The following ZNF197 variants were observed in gnomAD, a reference collection of about 807,000 sequenced individuals.
The protein encoded by ZNF197 is VHL-associated KRAB-A domain-containing protein.
ZNF197 carries 14 observed loss-of-function variants against 27.4 expected under a neutral mutation model. The observed-to-expected ratio is 0.51, with a 90% CI of 0.34 to 0.80. The LOEUF (loss-of-function observed/expected upper bound fraction) is 0.80, where lower values mean the gene tolerates loss of function less well. Ranked by LOEUF, ZNF197 falls within the 30% of genes least tolerant of loss-of-function variation. The pLI, the probability that ZNF197 is intolerant of heterozygous loss-of-function variation, is 0.02. For synonymous variants in ZNF197, 415 were observed against 420.0 expected, an observed-to-expected ratio of 0.99 and a Z score of 0.15; for missense variants, 1,090 against 1,222.6, an observed-to-expected ratio of 0.89 and a Z score of 1.62.
At chr3:44,641,222 CCTTTT>C (rs1458595003) in intron 5 of ZNF197, among the ~76,000 whole-genome samples, 7 of 152,128 alleles carry the variant, frequency 4.6e-5, no homozygotes, top group South Asian at 4.2e-4. Context: ...TTCTATTTTC[CCTTTT>C]CTTTTCTGTA....
At chr3:44,639,380 A>C (rs1341390662) in intron 5 of ZNF197, among the ~76,000 whole-genome samples, 1 of 152,088 alleles carries the variant, frequency 6.6e-6, no homozygotes, top group Admixed American at 6.5e-5. Flanking sequence ...GAATTTGTGA[A>C]GAAATGGTAT....
intron 5 of ZNF197, among the ~76,000 whole-genome samples, chr3:44,634,847 G>T (rs550089944): frequency 6.6e-6 from 1 of 151,996 alleles, no homozygotes; most frequent in South Asian, 2.1e-4. Context: ...TAGACATCTT[G>T]TGGAGGGGTG....
In ZNF197 at chr3:44,642,595, A is replaced by C; in HGVS notation, c.1465A>C (p.Lys489Gln). 6.2e-7 allele frequency: 1 copy of C among 1,614,170 alleles called. No homozygotes were observed. Among genetic ancestry groups the C allele is most frequent in the Non-Finnish European group, 8.5e-7 (1 of 1,180,030 alleles). Residue 489 changes from lysine (K) to glutamine (Q), a missense_variant, in exon 6 of 6, where the codon AAA (lysine) becomes CAA (glutamine). Lys to Gln is a moderately conservative substitution (Grantham distance 53). Coordinates refer to ENST00000344387, the MANE Select transcript of ZNF197 (RefSeq NM_006991.5). ...ACCTTATAAGTGTAATGAATGTGGG[A>C]AAGTCTTCTCTCAGAATGCTTACCT... is the stretch of plus-strand genomic sequence containing the variant. ...ERPYKCNECG[K>Q]VFSQNAYLID...
intron 1 of ZNF197, among the ~76,000 whole-genome samples, chr3:44,625,458 G>T (rs1013070141): frequency 6.6e-6 from 1 of 152,172 alleles, no homozygotes; most frequent in African/African-American, 2.4e-5. Flanking sequence ...AGGCCTTTCT[G>T]CTCTTCCTCA....
At chr3:44,637,304 T>C (rs1304704474) in intron 5 of ZNF197, among the ~76,000 whole-genome samples, 1 of 152,018 alleles carries the variant, frequency 6.6e-6, no homozygotes, top group Admixed American at 6.6e-5. Context: ...ATTTTAAAAT[T>C]TTTTGTAGAG....
intron 2 of ZNF197, among the ~76,000 whole-genome samples, chr3:44,630,472 T>C (rs913143153): frequency 6.6e-6 from 1 of 152,208 alleles, no homozygotes; most frequent in Non-Finnish European, 1.5e-5. Context: ...GAATCATAAC[T>C]CAAACTTGGG....
chr3:44,632,349 T>C (rs750191875), intron 4 of ZNF197, 124 bp from the exon 5 acceptor site: 175 of 1,491,244 alleles, frequency 1.2e-4, no homozygotes, highest in Non-Finnish European at 1.4e-4. Context: ...GATCTCCTTA[T>C]GTCTCCCTGA....
intron 5 of ZNF197, among the ~76,000 whole-genome samples, chr3:44,635,461 G>A (rs1214391425): frequency 6.6e-6 from 1 of 152,190 alleles, no homozygotes; most frequent in Non-Finnish European, 1.5e-5. Flanking sequence ...TAAGGGTAAA[G>A]TACTAAGCAG....
rs570365331 is a variant in ZNF197 at position 44,627,316 on chromosome 3, T to C, written c.-81-1758T>C. Among the ~76,000 whole-genome samples, 5 of 152,314 alleles carry C rather than the reference T, an allele frequency of 3.3e-5. 1 individual carries two copies. Among genetic ancestry groups the C allele is most frequent in the African/African-American group, 7.2e-5 (3 of 41,572 alleles). On this transcript the variant is annotated intron_variant, in intron 1 of 5. Transcript: ENST00000344387. The stretch of plus-strand genomic sequence containing the variant: ...TCACTTACAGGACAGGATCATCTCC[T>C]CAGAATACTGCCTCTCAAGAGCAGT...
chr3:44,647,908 A>T lies in ZNF197; in HGVS notation c.*3688A>T, dbSNP rs1703050996. 6.6e-6 allele frequency: 1 copy of T among 152,188 alleles called. No homozygotes were observed. Among genetic ancestry groups the T allele is most frequent in the Admixed American group, 6.5e-5 (1 of 15,286 alleles). The allele number at this position is 152,188 out of a possible 1,614,324, so 9.4% of individuals were successfully genotyped here. The stretch of plus-strand genomic sequence containing the variant: ...CTTGATTGCAGTGGTGGTTACACAA[A>T]TCTATAGGTGCTATACCTATACACA... On this transcript the variant is annotated 3_prime_UTR_variant, in exon 6 of 6. Transcript: ENST00000344387.
intron 5 of ZNF197, among the ~76,000 whole-genome samples, chr3:44,637,206 G>A (rs1410972312): frequency 1.3e-5 from 2 of 152,094 alleles, no homozygotes; most frequent in Non-Finnish European, 2.9e-5. Flanking sequence ...ATAGCTTACT[G>A]CAGCCTTGAA....
intron 2 of ZNF197, 155 bp from the exon 3 acceptor site, chr3:44,630,907 A>G (rs182565428): frequency 1.1e-4 from 113 of 1,041,604 alleles, no homozygotes; most frequent in East Asian, 7.4e-4. Flanking sequence ...ATTGTTCTCA[A>G]TGCAAAGCTT....
Position 44,644,423 on chromosome 3 carries a change from G to C in ZNF197, c.*203G>C. ...AGAGGCCGAAGCGAGTGGATCACCT[G>C]AGGTCAGGATTTTGAGACCAGCCTG... is the stretch of plus-strand genomic sequence containing the variant. On this transcript the variant is annotated 3_prime_UTR_variant, in exon 6 of 6. Transcript: ENST00000344387. 8.0e-7 allele frequency: 1 copy of C among 1,249,508 alleles called. No homozygotes were observed. The highest frequency in any genetic ancestry group is 3.2e-5 in the East Asian group (1 of 31,036). 77.4% of individuals were successfully genotyped at this position (1,249,508 alleles called of 1,614,324 possible).
rs1234163222 is a variant in ZNF197 at position 44,644,080 on chromosome 3, A to C, written c.2950A>C (p.Lys984Gln). 6.2e-7 allele frequency: 1 copy of C among 1,614,144 alleles called. No individual in the cohort carries two copies. The highest frequency in any genetic ancestry group is 1.3e-5 in the African/African-American group (1 of 75,042). The change falls in exon 6 of 6, where the codon AAA becomes CAA. Residue 984 changes from lysine to glutamine, a missense_variant. Coordinates refer to ENST00000344387, the MANE Select transcript of ZNF197 (RefSeq NM_006991.5). The stretch of plus-strand genomic sequence containing the variant: ...ACATCAGAAAATCCACACAGATGAA[A>C]AACCTTGTGAATGTGATGTGTCTGA... ...TVHQKIHTDE[K>Q]PCECDVSEKE... is the part of the protein sequence containing the mutation.
Position 44,635,826 on chromosome 3 carries a change from A to C in ZNF197, c.769+3227A>C, listed in dbSNP as rs562121478. Among the ~76,000 whole-genome samples the C allele has an allele frequency of 2.0e-5, 3 of 152,308 alleles. 1 individual carries two copies. The highest frequency in any genetic ancestry group is 7.2e-5 in the African/African-American group (3 of 41,568). Reference sequence around the variant, plus strand: ...TGTGTGAGCCCATAGGATCCTGGGAATGATGGAAGGATTGGGACAGTGGGA... The same window carrying C: ...TGTGTGAGCCCATAGGATCCTGGGACTGATGGAAGGATTGGGACAGTGGGA... On this transcript the variant is annotated intron_variant, in intron 5 of 5. Coordinates refer to ENST00000344387, the MANE Select transcript of ZNF197 (RefSeq NM_006991.5).
chr3:44,638,692 A>G (rs1702437681), intron 5 of ZNF197, among the ~76,000 whole-genome samples: 1 of 152,032 alleles, frequency 6.6e-6, no homozygotes, highest in African/African-American at 2.4e-5. Flanking sequence ...ACCATGAAAT[A>G]TAATTTATTT....
Position 44,647,943 on chromosome 3 carries a change from C to T in ZNF197, c.*3723C>T, listed in dbSNP as rs1469345144. ...GCTATACCTATACACACATACTGTA[C>T]CAATGTTGATTTCCTTTTTCATTTT... On this transcript the variant is annotated 3_prime_UTR_variant, in exon 6 of 6. Transcript: ENST00000344387. 3 of 152,066 alleles carry T rather than the reference C, an allele frequency of 2.0e-5. No homozygotes were observed. The highest frequency in any genetic ancestry group is 7.2e-5 in the African/African-American group (3 of 41,386). 9.4% of individuals were successfully genotyped at this position (152,066 alleles called of 1,614,324 possible).
chr3:44,642,649 G>C lies in ZNF197; in HGVS notation c.1519G>C (p.Glu507Gln), dbSNP rs764119270. The C allele has an allele frequency of 6.2e-7, 1 of 1,614,030 alleles. No individual in the cohort carries two copies. Among genetic ancestry groups the C allele is most frequent in the Non-Finnish European group, 8.5e-7 (1 of 1,180,018 alleles). Reference sequence around the variant, plus strand: ...TGACCATCAGAGGCTCCACAAAGGGGAAGAACCTTATAAATGTAATAAGTG... The same window carrying C: ...TGACCATCAGAGGCTCCACAAAGGGCAAGAACCTTATAAATGTAATAAGTG... Reference protein sequence around the residue: ...LIDHQRLHKGEEPYKCNKCQK... With the variant: ...LIDHQRLHKGQEPYKCNKCQK... The change falls in exon 6 of 6, where the codon GAA becomes CAA. Residue 507 changes from glutamate to glutamine, a missense_variant. Coordinates refer to ENST00000344387, the MANE Select transcript of ZNF197 (RefSeq NM_006991.5).
At position 44,643,631 on chromosome 3, in the gene ZNF197, T is replaced by C. The variant is rs1431658716; in HGVS notation, c.2501T>C (p.Ile834Thr). The C allele has an allele frequency of 3.1e-6, 5 of 1,614,176 alleles. No homozygotes were observed. The highest frequency in any genetic ancestry group is 1.7e-5 in the Admixed American group (1 of 60,032). Residue 834 changes from isoleucine to threonine, a missense_variant, in exon 6 of 6, where the codon ATA becomes ACA. Ile to Thr is a moderately conservative substitution (Grantham distance 89). Transcript: ENST00000344387. Reference sequence around the variant, plus strand: ...GTCTTCAGTTACCGCTCAAACCTTATAGCCCATCAGAGGATCCATACTGGT... The same window carrying C: ...GTCTTCAGTTACCGCTCAAACCTTACAGCCCATCAGAGGATCCATACTGGT... Reference protein sequence around the residue: ...GKVFSYRSNLIAHQRIHTGEK... With the variant: ...GKVFSYRSNLTAHQRIHTGEK...
Sources: allele counts gnomAD v4.1 joint callset (sites outside exome capture counted in the v4.1 genomes callset), GRCh38; gene constraint gnomAD v4.1.1; transcripts MANE v1.5; gene names NCBI Gene and HGNC (gene_info 2026-07-23, HGNC 2026-07-21).